Variants in MAP3K1 observed in about 807,000 individuals in gnomAD.
MAP3K1 encodes MAP/ERK kinase kinase 1.
Under a neutral mutation model 144.2 loss-of-function variants are expected in MAP3K1, and 36 were observed. That is an observed-to-expected ratio of 0.25 (90% CI 0.19 to 0.33). The LOEUF is 0.33. MAP3K1 is among the 10% of genes least tolerant of loss of function. The pLI, the probability that MAP3K1 is intolerant of heterozygous loss-of-function variation, is 1.00. For synonymous variants in MAP3K1, 718 were observed against 688.7 expected, an observed-to-expected ratio of 1.04 and a Z score of -0.67; for missense variants, 1,650 against 1,881.9, an observed-to-expected ratio of 0.88 and a Z score of 2.28.
intron 10 of MAP3K1, among the ~76,000 whole-genome samples, chr5:56,878,639 T>C (rs2111931342): frequency 6.6e-6 from 1 of 152,326 alleles, no homozygotes; most frequent in Admixed American, 6.5e-5. Flanking sequence ...TCATTTGTTT[T>C]GTTGCTCTAA....
intron 2 of MAP3K1, among the ~76,000 whole-genome samples, chr5:56,858,157 A>G (rs1171424801): frequency 6.6e-6 from 1 of 152,212 alleles, no homozygotes; most frequent in Non-Finnish European, 1.5e-5. Context: ...TACTCAATCA[A>G]TATAAAGAAC....
chr5:56,881,244 G>T lies in MAP3K1; in HGVS notation c.2341G>T (p.Val781Phe). ...EFYPHIVSTD[V>F]SQAEPVEIRY... The stretch of plus-strand genomic sequence containing the variant: ...TTATCCTCATATTGTCAGTACTGAT[G>T]TTTCACAAGCTGAGCCTGTTGAAAT... The change falls in exon 13 of 20, where the codon GTT (valine) becomes TTT (phenylalanine). Residue 781 changes from valine (V) to phenylalanine (F), a missense_variant. Physicochemically the swap from Val to Phe is conservative, Grantham distance 50. This residue lies in a region of MAP3K1 where 841 missense variants were observed against 886.5 expected (regional missense o/e 0.95). Coordinates refer to ENST00000399503, the MANE Select transcript of MAP3K1 (RefSeq NM_005921.2). 1.2e-6 allele frequency: 2 copies of T among 1,613,508 alleles called. No individual in the cohort carries two copies. The highest frequency in any genetic ancestry group is 1.7e-6 in the Non-Finnish European group (2 of 1,179,854).
intron 1 of MAP3K1, chr5:56,820,731 A>G (rs1050937459): frequency 5.1e-6 from 5 of 985,194 alleles, no homozygotes; most frequent in Non-Finnish European, 6.0e-6. Flanking sequence ...TTTAGATTTC[A>G]TCCATTCAAC....
intron 1 of MAP3K1, among the ~76,000 whole-genome samples, chr5:56,835,219 C>G (rs1193995703): frequency 6.6e-6 from 1 of 152,126 alleles, no homozygotes; most frequent in Non-Finnish European, 1.5e-5. Context: ...TGAAGAATGC[C>G]AGTATTTCCT....
intron 1 of MAP3K1, among the ~76,000 whole-genome samples, chr5:56,850,562 C>T (rs1263676539): frequency 3.3e-5 from 5 of 152,170 alleles, no homozygotes; most frequent in Admixed American, 2.0e-4. Flanking sequence ...TAGGTATCAG[C>T]ACAGGTGCTG....
At chr5:56,854,014 GT>G (rs1472930098) in intron 1 of MAP3K1, among the ~76,000 whole-genome samples, 1 of 152,174 alleles carries the variant, frequency 6.6e-6, no homozygotes, top group Admixed American at 6.5e-5. Context: ...TTCAGAGCAG[GT>G]TTAAGAGCAG....
intron 19 of MAP3K1, among the ~76,000 whole-genome samples, chr5:56,892,323 T>C (rs1329238891): frequency 4.6e-5 from 7 of 152,212 alleles, no homozygotes; most frequent in Non-Finnish European, 1.0e-4. Flanking sequence ...ATGATTTGGC[T>C]GTTTGTCTGT....
rs1294169226 is a variant in MAP3K1 at position 56,882,252 on chromosome 5, T to C, written c.3052T>C (p.Ser1018Pro). The C allele has an allele frequency of 6.2e-7, 1 of 1,614,050 alleles. No individual in the cohort carries two copies. Among genetic ancestry groups the C allele is most frequent in the South Asian group, 1.1e-5 (1 of 91,084 alleles). Reference sequence around the variant, plus strand: ...CATTCCCTGCAGAATACCTTCTGCATCTCCTCAAACACAGCGCAAGTTTTC... The same window carrying C: ...CATTCCCTGCAGAATACCTTCTGCACCTCCTCAAACACAGCGCAAGTTTTC... ...GFIPCRIPSA[S>P]PQTQRKFSLQ... Residue 1018 changes from serine to proline, a missense_variant, in exon 14 of 20, where the codon TCT (serine) becomes CCT (proline). Ser to Pro is a moderately conservative substitution (Grantham distance 74). Around this residue, in one of 6 missense-constraint regions of MAP3K1, gnomAD observed 841 missense variants for 886.5 expected, o/e 0.95. Coordinates refer to ENST00000399503, the MANE Select transcript of MAP3K1 (RefSeq NM_005921.2).
At position 56,883,639 on chromosome 5, in the gene MAP3K1, C is replaced by T; in HGVS notation, c.3779C>T (p.Ala1260Val). ...GGAGCATTTTCTTCTTGTTATCAGGCTCAAGATGTGGGAACTGGAACTTTA... is the reference window on the plus strand; with the variant it reads ...GGAGCATTTTCTTCTTGTTATCAGGTTCAAGATGTGGGAACTGGAACTTTA... ...GLGAFSSCYQ[A>V]QDVGTGTLMA... is the part of the protein sequence containing the mutation. Residue 1260 changes from alanine to valine, a missense_variant, in exon 15 of 20, where the codon GCT becomes GTT. Physicochemically the swap from Ala to Val is moderately conservative, Grantham distance 64. Coordinates refer to ENST00000399503, the MANE Select transcript of MAP3K1 (RefSeq NM_005921.2). 1 of 1,613,982 alleles carries T rather than the reference C, an allele frequency of 6.2e-7. No homozygotes were observed. The highest frequency in any genetic ancestry group is 1.1e-5 in the South Asian group (1 of 91,082).
At chr5:56,851,486 T>C (rs1208783224) in intron 1 of MAP3K1, among the ~76,000 whole-genome samples, 1 of 152,210 alleles carries the variant, frequency 6.6e-6, no homozygotes, top group African/African-American at 2.4e-5. Context: ...ATCTAACAGC[T>C]TATCAGGGGA....
chr5:56,883,889 C>T (rs1249048752), intron 15 of MAP3K1, among the ~76,000 whole-genome samples: 1 of 152,156 alleles, frequency 6.6e-6, no homozygotes, highest in East Asian at 1.9e-4. Context: ...TGGCTCACAC[C>T]TGTAATCCCA....
At chr5:56,884,024 C>CT (rs1369381665) in intron 15 of MAP3K1, among the ~76,000 whole-genome samples, 1 of 152,082 alleles carries the variant, frequency 6.6e-6, no homozygotes, top group African/African-American at 2.4e-5. Flanking sequence ...TGGTAGGCAC[C>CT]TGTAGTCCCA....
At chr5:56,864,278 A>AT (rs1339095050) in intron 3 of MAP3K1, among the ~76,000 whole-genome samples, 6 of 152,286 alleles carry the variant, frequency 3.9e-5, no homozygotes, top group Non-Finnish European at 8.8e-5. Flanking sequence ...GTCAGACAAA[A>AT]TCATTTAGCC....
In MAP3K1 at chr5:56,882,611, A is replaced by G; in HGVS notation, c.3411A>G (p.Glu1137=). 1 of 1,614,176 alleles carries G rather than the reference A, an allele frequency of 6.2e-7. No homozygotes were observed. The highest frequency in any genetic ancestry group is 2.2e-5 in the East Asian group (1 of 44,884). Residue 1137 remains glutamate, a synonymous_variant, in exon 14 of 20, where the codon GAA becomes GAG. Transcript: ENST00000399503. ...ELNSSIEDLL[E]ASMPSSDTTV... ...ACTCCAGTATTGAGGACCTTCTTGA[A>G]GCATCTATGCCTTCAAGTGATACAA...
At chr5:56,863,719 A>C (rs951398140) in intron 3 of MAP3K1, among the ~76,000 whole-genome samples, 2 of 152,230 alleles carry the variant, frequency 1.3e-5, no homozygotes, top group African/African-American at 4.8e-5. Flanking sequence ...CTGTTTTCCA[A>C]ACCAGCTGCA....
intron 2 of MAP3K1, 184 bp from the exon 3 acceptor site, chr5:56,859,531 C>T (rs980359739): frequency 1.0e-5 from 6 of 573,678 alleles, no homozygotes; most frequent in Non-Finnish European, 1.9e-5. Context: ...GAAATTTGTG[C>T]AGGTAAAAAT....
At chr5:56,825,635 T>C (rs73759219) in intron 1 of MAP3K1, among the ~76,000 whole-genome samples, 1,901 of 152,300 alleles carry the variant, frequency 0.012, 51 homozygotes, top group African/African-American at 0.043. Flanking sequence ...GGGTAAACAC[T>C]GCCATTGTCT....
intron 1 of MAP3K1, among the ~76,000 whole-genome samples, chr5:56,834,124 A>G (rs901296395): frequency 2.6e-5 from 2 of 78,276 alleles, no homozygotes; most frequent in African/African-American, 9.1e-5. Flanking sequence ...CTGACATGCC[A>G]TTATTTTTTC....
At chr5:56,828,873 T>C (rs1204969434) in intron 1 of MAP3K1, among the ~76,000 whole-genome samples, 1 of 80,848 alleles carries the variant, frequency 1.2e-5, no homozygotes, top group Non-Finnish European at 3.1e-5. Context: ...TAAATAAACA[T>C]GTATGCATCT....
Sources: allele counts gnomAD v4.1 joint callset (sites outside exome capture counted in the v4.1 genomes callset), GRCh38; gene constraint gnomAD v4.1.1; regional missense constraint gnomAD v4.1.1; transcripts MANE v1.5; gene names NCBI Gene and HGNC (gene_info 2026-07-23, HGNC 2026-07-21).